Variants in KIRREL3 observed in about 807,000 individuals in gnomAD.
KIRREL3 encodes kirre like nephrin family adhesion molecule 3.
Under a neutral mutation model 89.7 loss-of-function variants are expected in KIRREL3, and 36 were observed. The observed-to-expected ratio is 0.40, with a 90% CI of 0.31 to 0.53. KIRREL3 has a LOEUF of 0.53. Among genes scored for constraint, KIRREL3 ranks in the 20% least tolerant of loss-of-function variants. The pLI, the probability that KIRREL3 is intolerant of heterozygous loss-of-function variation, is 0.49. For synonymous variants in KIRREL3, 445 were observed against 441.4 expected (o/e 1.01, Z -0.10); for missense variants, 864 against 1,056.6 (o/e 0.82, Z 2.53).
chr11:126,469,442 G>T (rs954796833), intron 5 of KIRREL3, among the ~76,000 whole-genome samples: 2 of 152,164 alleles, frequency 1.3e-5, no homozygotes, highest in African/African-American at 4.8e-5. Context: ...TTGCAGCCCT[G>T]GGGGAGGAGG....
rs377196096 is a variant in KIRREL3, at chr11:126,562,848, C to T, written c.120G>A (p.Arg40=). The change falls in exon 2 of 17, where the codon CGG becomes CGA. Residue 40 remains arginine (R), a synonymous_variant. Coordinates refer to ENST00000525144, the MANE Select transcript of KIRREL3 (RefSeq NM_032531.4). The surrounding 1 kb of genome is among the most constrained non-coding windows in gnomAD (Gnocchi z 4.7). ...VLGYMAKDKF[R]RMNEGQVYSF... ...GTTCTCACTGACCTTCATTCATTCT[C>T]CGAAACTTGTCCTTGGCCATGTAGC... The T allele has an allele frequency of 6.2e-7, 1 of 1,613,866 alleles. No homozygotes were observed. Among genetic ancestry groups the T allele is most frequent in the African/African-American group, 1.3e-5 (1 of 75,044 alleles).
intron 1 of KIRREL3, among the ~76,000 whole-genome samples, chr11:126,762,119 G>A (rs1033896812): frequency 3.9e-5 from 6 of 152,050 alleles, no homozygotes; most frequent in Non-Finnish European, 8.8e-5. Context: ...AGGTTGCAGT[G>A]AGCTGAGGTC....
At chr11:126,845,695 T>C (rs1310435868) in intron 1 of KIRREL3, among the ~76,000 whole-genome samples, 1 of 152,216 alleles carries the variant, frequency 6.6e-6, no homozygotes, top group East Asian at 1.9e-4. Flanking sequence ...CTTGGCTTAA[T>C]ATCTGTTTGA....
At chr11:126,461,161 G>A (rs111573046) in intron 6 of KIRREL3, among the ~76,000 whole-genome samples, 27 of 152,384 alleles carry the variant, frequency 1.8e-4, no homozygotes, top group African/African-American at 6.0e-4. Context: ...TGTGACAGGC[G>A]TAGGCCCAGC....
intron 1 of KIRREL3, among the ~76,000 whole-genome samples, chr11:126,638,614 T>C (rs960000303): frequency 3.9e-5 from 6 of 152,214 alleles, no homozygotes; most frequent in Non-Finnish European, 7.4e-5. Context: ...GGTAGCCCCA[T>C]AGTCCGTGGA....
intron 1 of KIRREL3, among the ~76,000 whole-genome samples, chr11:126,590,567 G>C (rs370705406): frequency 2.1e-4 from 32 of 152,362 alleles, no homozygotes; most frequent in African/African-American, 5.8e-4. Flanking sequence ...GCAGACGAAA[G>C]AGAACATGGT....
intron 2 of KIRREL3, among the ~76,000 whole-genome samples, chr11:126,542,664 A>G (rs1001779798): frequency 6.6e-6 from 1 of 152,086 alleles, no homozygotes; most frequent in African/African-American, 2.4e-5. Context: ...CTCACACCTT[A>G]TCTAGGAAGG....
chr11:126,608,850 G>A lies in KIRREL3; in HGVS notation c.56-45938C>T, dbSNP rs1371541602. Among the ~76,000 whole-genome samples the A allele has an allele frequency of 6.6e-6, 1 of 152,194 alleles. No individual in the cohort carries two copies. Among genetic ancestry groups the A allele is most frequent in the African/African-American group, 2.4e-5 (1 of 41,450 alleles). On this transcript the variant is annotated intron_variant, in intron 1 of 16. Coordinates refer to ENST00000525144, the MANE Select transcript of KIRREL3 (RefSeq NM_032531.4). This position sits in a 1 kb window ranked among gnomAD's most constrained non-coding sequence, Gnocchi z 4.9. ...TGGAGTGGAGATGGGCAATGGGGAT[G>A]CCTGATGAGACCTATGTCCAGGACA...
intron 1 of KIRREL3, among the ~76,000 whole-genome samples, chr11:126,695,576 G>A (rs899085756): frequency 6.6e-6 from 1 of 152,176 alleles, no homozygotes; most frequent in African/African-American, 2.4e-5. Context: ...AGACACCGGT[G>A]TGTCCTTGTC....
intron 4 of KIRREL3, among the ~76,000 whole-genome samples, chr11:126,517,775 C>T (rs1249059913): frequency 6.6e-6 from 1 of 152,182 alleles, no homozygotes; most frequent in African/African-American, 2.4e-5. Context: ...TCTCAGCGAT[C>T]ATCTTATTTA....
chr11:126,439,039 TTTTC>T (rs1468777111), intron 11 of KIRREL3, among the ~76,000 whole-genome samples: 2 of 152,190 alleles, frequency 1.3e-5, no homozygotes, highest in African/African-American at 4.8e-5. Context: ...AAATGCTCAC[TTTTC>T]TTTGTTTTCA....
chr11:126,448,279 C>CAAAAA (rs55787866), intron 8 of KIRREL3, among the ~76,000 whole-genome samples: 2 of 95,380 alleles, frequency 2.1e-5, no homozygotes, highest in African/African-American at 4.1e-5. Context: ...GAGACTGTCT[C>CAAAAA]AAAAAAAAAA....
chr11:126,753,697 C>G (rs1949408063), intron 1 of KIRREL3, among the ~76,000 whole-genome samples: 1 of 152,122 alleles, frequency 6.6e-6, no homozygotes. Context: ...GACTGAGAAC[C>G]TGAGCATTGG....
rs1948538157 is a variant in KIRREL3, at chr11:126,729,743, C to A, written c.56-166831G>T. Among the ~76,000 whole-genome samples the A allele has an allele frequency of 6.6e-6, 1 of 152,184 alleles. No individual in the cohort carries two copies. Among genetic ancestry groups the A allele is most frequent in the Admixed American group, 6.5e-5 (1 of 15,276 alleles). ...AAAGCTCACAGCTCAGGGTCCCCTG[C>A]TATTTTATGAGCTTGGGAGGTTTCT... is the stretch of plus-strand genomic sequence containing the variant. On this transcript the variant is annotated intron_variant, in intron 1 of 16. Transcript: ENST00000525144. This position sits in a 1 kb window ranked among gnomAD's most constrained non-coding sequence, Gnocchi z 4.5.
At position 126,766,266 on chromosome 11, in the gene KIRREL3, T is replaced by A. The variant is rs1228550845; in HGVS notation, c.56-203354A>T. Among the ~76,000 whole-genome samples the A allele has an allele frequency of 6.6e-6, 1 of 152,054 alleles. No individual in the cohort carries two copies. Among genetic ancestry groups the A allele is most frequent in the Non-Finnish European group, 1.5e-5 (1 of 68,014 alleles). ...CAGTAGGAGCCCATAACAGACAGCA[T>A]GTCATCCATTCCTGACAGCCTTGGT... On this transcript the variant is annotated intron_variant, in intron 1 of 16. Transcript: ENST00000525144. This position sits in a 1 kb window ranked among gnomAD's most constrained non-coding sequence, Gnocchi z 4.2.
At chr11:126,774,809 T>A (rs1309718622) in intron 1 of KIRREL3, among the ~76,000 whole-genome samples, 1 of 152,138 alleles carries the variant, frequency 6.6e-6, no homozygotes, top group Admixed American at 6.5e-5. Context: ...TGGATCTGCA[T>A]CCTAAATGGC....
intron 5 of KIRREL3, among the ~76,000 whole-genome samples, chr11:126,469,455 G>C (rs1288021759): frequency 6.6e-6 from 1 of 152,200 alleles, no homozygotes; most frequent in East Asian, 1.9e-4. Flanking sequence ...GGAGGAGGGG[G>C]TGGGCTGGGT....
rs1957759326 is a variant in KIRREL3, at chr11:126,498,833, G to GT, written c.433+22481_433+22482insA. ...CTCAGTAAATGCCAGTTCTTCACAG[G>GT]CTCAGGACCTCGACGCACGGAAACT... On this transcript the variant is annotated intron_variant, in intron 4 of 16. Coordinates refer to ENST00000525144, the MANE Select transcript of KIRREL3 (RefSeq NM_032531.4). The surrounding 1 kb of genome is among the most constrained non-coding windows in gnomAD (Gnocchi z 4.3). 4.6e-5 allele frequency among the ~76,000 whole-genome samples: 7 copies of GT among 152,196 alleles called. No individual in the cohort carries two copies. The highest frequency in any genetic ancestry group is 4.6e-4 in the Admixed American group (7 of 15,286).
rs11220650 is a variant in KIRREL3 at position 126,890,756 on chromosome 11, A to G, written c.55+109699T>C. ...AGTGAGAGAGTAGACGACTGCAAAC[A>G]TGAGCGTCCCCCAGTCCCAGCACCA... On this transcript the variant is annotated intron_variant, in intron 1 of 16. Coordinates refer to ENST00000525144, the MANE Select transcript of KIRREL3 (RefSeq NM_032531.4). This position sits in a 1 kb window ranked among gnomAD's most constrained non-coding sequence, Gnocchi z 5.1. Among the ~76,000 whole-genome samples, 89,134 of 152,102 alleles carry G rather than the reference A, an allele frequency of 0.59. 26,799 individuals are homozygous for G. The highest frequency in any genetic ancestry group is 0.7 in the East Asian group (3,633 of 5,168).
Sources: gnomAD v4.1 joint callset for allele counts (sites outside exome capture counted in the v4.1 genomes callset) on GRCh38, gnomAD v4.1.1 for gene constraint, Gnocchi (gnomAD v3.1) non-coding constraint, MANE v1.5 for transcripts, NCBI Gene and HGNC (gene_info 2026-07-23, HGNC 2026-07-21) for gene names.